SLC20A2: variants seen among roughly 807,000 people sequenced by gnomAD.
SLC20A2 encodes the protein solute carrier family 20 member 2.
Under a neutral mutation model 61.0 loss-of-function variants are expected in SLC20A2, and 30 were observed. The ratio of observed to expected loss-of-function variants is 0.49; its 90% CI spans 0.37 to 0.67. The LOEUF (loss-of-function observed/expected upper bound fraction) is 0.67, where lower values mean the gene tolerates loss of function less well. Among genes scored for constraint, SLC20A2 ranks in the 30% least tolerant of loss-of-function variants. The pLI is 0.00. For synonymous variants in SLC20A2, 351 were observed against 353.3 expected (o/e 0.99, Z 0.07); for missense variants, 626 against 866.4 (o/e 0.72, Z 3.48).
intron 1 of SLC20A2, among the ~76,000 whole-genome samples, chr8:42,474,153 A>G (rs1373299705): frequency 6.6e-6 from 1 of 152,174 alleles, no homozygotes; most frequent in African/African-American, 2.4e-5. Flanking sequence ...CCTGGGCGAC[A>G]CAGCGAGACT....
At chr8:42,514,356 G>A (rs1436858908) in intron 1 of SLC20A2, among the ~76,000 whole-genome samples, 1 of 152,188 alleles carries the variant, frequency 6.6e-6, no homozygotes, top group Non-Finnish European at 1.5e-5. Context: ...ACAGAGACTA[G>A]GGGAGAACTG....
chr8:42,447,730 G>A (rs1270718586), intron 5 of SLC20A2, among the ~76,000 whole-genome samples: 3 of 152,098 alleles, frequency 2.0e-5, no homozygotes, highest in Non-Finnish European at 4.4e-5. Flanking sequence ...GAATAGAATA[G>A]GTAGTTAATA....
intron 1 of SLC20A2, among the ~76,000 whole-genome samples, chr8:42,477,582 T>C (rs2131257826): frequency 6.7e-6 from 1 of 150,358 alleles, no homozygotes; most frequent in East Asian, 2.0e-4. Context: ...ACAATTCTCC[T>C]GCCTCAGCCT....
intron 3 of SLC20A2, among the ~76,000 whole-genome samples, chr8:42,465,024 A>G (rs1194474414): frequency 6.6e-6 from 1 of 151,914 alleles, no homozygotes; most frequent in Non-Finnish European, 1.5e-5. Flanking sequence ...AAAACAAAAA[A>G]CAGGAATTTT....
chr8:42,458,627 G>T (rs1447366920), intron 5 of SLC20A2, among the ~76,000 whole-genome samples: 1 of 145,550 alleles, frequency 6.9e-6, no homozygotes, highest in East Asian at 2.1e-4. Flanking sequence ...AAAAAAAAAG[G>T]CCGGGCATGG....
intron 1 of SLC20A2, chr8:42,484,777 G>T: frequency 3.0e-6 from 1 of 332,450 alleles, no homozygotes; most frequent in Admixed American, 3.3e-5. Context: ...GCAGCTAAAG[G>T]CTGCTCCCAT....
At chr8:42,441,990 A>G (rs1804825915) in intron 6 of SLC20A2, among the ~76,000 whole-genome samples, 1 of 148,726 alleles carries the variant, frequency 6.7e-6, no homozygotes, top group Admixed American at 6.6e-5. Context: ...GGGGAGTGCA[A>G]TGGCACAATC....
chr8:42,444,124 C>T (rs1270647525), intron 6 of SLC20A2, among the ~76,000 whole-genome samples: 1 of 152,150 alleles, frequency 6.6e-6, no homozygotes, highest in Non-Finnish European at 1.5e-5. Context: ...GTTTTCATTT[C>T]TTTGGATAAA....
upstream of SLC20A2, among the ~76,000 whole-genome samples, chr8:42,505,059 G>A (rs1034786380): frequency 6.7e-5 from 10 of 149,490 alleles, no homozygotes; most frequent in South Asian, 2.1e-4. Flanking sequence ...TGGCTACAGC[G>A]GGGAGAGGAA....
At chr8:42,524,810 T>TA (rs1336153027) in intron 1 of SLC20A2, among the ~76,000 whole-genome samples, 1 of 126,902 alleles carries the variant, frequency 7.9e-6, no homozygotes, top group Non-Finnish European at 1.7e-5. Flanking sequence ...AATAAATAAA[T>TA]AAAAATAAAA....
chr8:42,468,821 C>G (rs1053890715), intron 2 of SLC20A2, among the ~76,000 whole-genome samples: 9 of 152,248 alleles, frequency 5.9e-5, no homozygotes, highest in African/African-American at 2.2e-4. Context: ...TTTCGAGGAG[C>G]TGGCTCGTTT....
At chr8:42,463,940 G>C (rs1257731055) in intron 3 of SLC20A2, among the ~76,000 whole-genome samples, 1 of 151,872 alleles carries the variant, frequency 6.6e-6, no homozygotes, top group Admixed American at 6.6e-5. Flanking sequence ...GAGGTGAATG[G>C]ATTTACCTCT....
rs765065031 is a variant in SLC20A2 at position 42,439,508 on chromosome 8, C to T, written c.876G>A (p.Gly292=). The T allele has an allele frequency of 2.5e-6, 4 of 1,614,170 alleles. No homozygotes were observed. The South Asian group carries it at 4.4e-5, about 18-fold the overall frequency. The change falls in exon 7 of 11, where the codon GGG becomes GGA. Residue 292 remains glycine (G), a synonymous_variant. Coordinates refer to ENST00000520262, the MANE Select transcript of SLC20A2 (RefSeq NM_001257180.2). ...TGCCTTCCGAGGTCCCCAGTGTCTC[C>T]CCTGCTGCTCCCGTGAGCGGGATGG... ...DSTIPLTGAA[G]ETLGTSEGTS...
At chr8:42,495,468 G>C (rs1382981787) in intron 1 of SLC20A2, among the ~76,000 whole-genome samples, 1 of 152,148 alleles carries the variant, frequency 6.6e-6, no homozygotes, top group East Asian at 1.9e-4. Flanking sequence ...TCTTATCTCT[G>C]TACAGACACC....
At chr8:42,448,023 C>G (rs73631783) in intron 5 of SLC20A2, among the ~76,000 whole-genome samples, 1 of 152,222 alleles carries the variant, frequency 6.6e-6, no homozygotes, top group Non-Finnish European at 1.5e-5. Context: ...GGCTTCCCAG[C>G]GTCTGCTGTC....
At chr8:42,447,610 G>A (rs1769561441) in intron 5 of SLC20A2, among the ~76,000 whole-genome samples, 1 of 152,134 alleles carries the variant, frequency 6.6e-6, no homozygotes. Context: ...CCCGGAAGGT[G>A]GAGCTGCAGT....
intron 10 of SLC20A2, among the ~76,000 whole-genome samples, chr8:42,421,170 T>A (rs1322972916): frequency 6.6e-6 from 1 of 152,188 alleles, no homozygotes; most frequent in Non-Finnish European, 1.5e-5. Context: ...TCCATATATA[T>A]CACTCACATT....
At chr8:42,467,745 A>T (rs891224124) in intron 2 of SLC20A2, among the ~76,000 whole-genome samples, 2 of 152,172 alleles carry the variant, frequency 1.3e-5, no homozygotes, top group African/African-American at 4.8e-5. Context: ...TTGTGCTGCC[A>T]AACCCATATC....
intron 1 of SLC20A2, among the ~76,000 whole-genome samples, chr8:42,478,006 C>T (rs1423934135): frequency 6.6e-6 from 1 of 151,874 alleles, no homozygotes; most frequent in Non-Finnish European, 1.5e-5. Context: ...CTGCCTCAGC[C>T]TCCCGAGTAG....
Sources: gnomAD v4.1 joint callset for allele counts (sites outside exome capture counted in the v4.1 genomes callset) on GRCh38, gnomAD v4.1.1 for gene constraint, MANE v1.5 for transcripts, NCBI Gene and HGNC (gene_info 2026-07-23, HGNC 2026-07-21) for gene names.